Variants in SAMD5 observed in about 807,000 individuals in gnomAD.
SAMD5 encodes the protein sterile alpha motif domain containing 5, also known as sterile alpha motif domain-containing protein 5.
SAMD5 carries 13 observed loss-of-function variants against 11.3 expected under a neutral mutation model. The observed-to-expected ratio is 1.15, with a 90% CI of 0.75 to 1.83. SAMD5 has a LOEUF of 1.83. Ranked by LOEUF, SAMD5 falls within the 40% of genes most tolerant of loss-of-function variation. SAMD5 has a pLI of 0.00. For missense variants in SAMD5, 255 were observed against 239.1 expected (o/e 1.07, Z -0.44); for synonymous variants, 129 against 111.3 (o/e 1.16, Z -1.00).
At chr6:147,942,008 G>A in the SAMD5 span, among the ~76,000 whole-genome samples, 4 of 152,100 alleles carry the variant, frequency 2.6e-5, no homozygotes, top group African/African-American at 9.7e-5. Flanking sequence ...TGAATAGCTG[G>A]GATTACAGGC....
At chr6:147,517,036 A>C (rs1788181725) in intron 1 of SAMD5, among the ~76,000 whole-genome samples, 1 of 152,230 alleles carries the variant, frequency 6.6e-6, no homozygotes, top group Non-Finnish European at 1.5e-5. Flanking sequence ...GGACCCCTGC[A>C]GTTTTCACTG....
intron 1 of SAMD5, among the ~76,000 whole-genome samples, chr6:147,714,662 T>G (rs1359953701): frequency 6.6e-6 from 1 of 152,210 alleles, no homozygotes; most frequent in Non-Finnish European, 1.5e-5. Context: ...CACTGTTTAA[T>G]TAAGACAAAA....
At chr6:147,630,002 T>G (rs866185548) in intron 1 of SAMD5, among the ~76,000 whole-genome samples, 27 of 149,498 alleles carry the variant, frequency 1.8e-4, no homozygotes, top group South Asian at 6.4e-4. Context: ...CAGGCTGTGG[T>G]GCAATGGCAT....
chr6:147,631,058 G>A (rs555077584), intron 1 of SAMD5, among the ~76,000 whole-genome samples: 2 of 152,168 alleles, frequency 1.3e-5, no homozygotes, highest in South Asian at 2.1e-4. Context: ...GATAATGGGC[G>A]ATGTTTCTCA....
Position 147,564,778 on chromosome 6 carries a change from G to A in SAMD5, c.*322G>A. 9.8e-7 allele frequency: 1 copy of A among 1,021,538 alleles called. No homozygotes were observed. Among genetic ancestry groups the A allele is most frequent in the East Asian group, 9.4e-5 (1 of 10,662 alleles). 63.3% of individuals were successfully genotyped at this position (1,021,538 alleles called of 1,614,324 possible). On this transcript the variant is annotated 3_prime_UTR_variant, in exon 2 of 2. Coordinates refer to ENST00000367474, the MANE Select transcript of SAMD5 (RefSeq NM_001030060.3). ...TTCTTAATGAAAACAGATGAGGTTG[G>A]CTAAGGCATTTGAGTCATAACTTAG... is the stretch of plus-strand genomic sequence containing the variant.
At chr6:147,588,020 C>G (rs547056542) in intron 1 of SAMD5, among the ~76,000 whole-genome samples, 1 of 152,116 alleles carries the variant, frequency 6.6e-6, no homozygotes. Context: ...GCTCTCTATA[C>G]ATAGATTTCT....
chr6:147,851,384 A>G, the SAMD5 span, among the ~76,000 whole-genome samples: 1 of 152,216 alleles, frequency 6.6e-6, no homozygotes, highest in African/African-American at 2.4e-5. Context: ...TCAGGCATCC[A>G]CTGGCAGTCT....
the SAMD5 span, among the ~76,000 whole-genome samples, chr6:147,807,115 G>T: frequency 6.6e-6 from 1 of 151,752 alleles, no homozygotes; most frequent in Non-Finnish European, 1.5e-5. Flanking sequence ...TGTTTTTTGA[G>T]ATGGAAAGGA....
the SAMD5 span, among the ~76,000 whole-genome samples, chr6:147,892,559 T>G: frequency 1.3e-5 from 2 of 152,252 alleles, no homozygotes; most frequent in Admixed American, 6.5e-5. Context: ...TCTGCTGCCC[T>G]GTAGGTCCTG....
chr6:147,702,843 C>T (rs1583146030), intron 1 of SAMD5, among the ~76,000 whole-genome samples: 1 of 151,380 alleles, frequency 6.6e-6, no homozygotes, highest in African/African-American at 2.4e-5. Flanking sequence ...GTGTGTCTGT[C>T]TGTCTGCCTG....
At chr6:147,530,667 A>T (rs1185282250) in intron 1 of SAMD5, among the ~76,000 whole-genome samples, 3 of 152,224 alleles carry the variant, frequency 2.0e-5, no homozygotes, top group African/African-American at 7.2e-5. Context: ...AACCTTGCAG[A>T]CAGGGGAATT....
Position 147,568,435 on chromosome 6 carries a change from TC to T in SAMD5, c.*3980del, listed in dbSNP as rs1789079227. The T allele has an allele frequency of 5.1e-6, 5 of 985,182 alleles. No individual in the cohort carries two copies. Among genetic ancestry groups the T allele is most frequent in the Non-Finnish European group, 6.0e-6 (5 of 829,830 alleles). The allele number at this position is 985,182 out of a possible 1,614,324, so 61.0% of individuals were successfully genotyped here. A position where few individuals can be genotyped will look rare whatever the true frequency, so the allele number is the denominator to read the frequency against. On this transcript the variant is annotated 3_prime_UTR_variant, in exon 2 of 2. Transcript: ENST00000367474. ...CTTACAAGTAATATTTGATTAGGTA[TC>T]AAAATAGGTTTAGGCAGGTGGAAGT... is the stretch of plus-strand genomic sequence containing the variant.
At chr6:147,841,486 TGA>T in the SAMD5 span, among the ~76,000 whole-genome samples, 1 of 152,218 alleles carries the variant, frequency 6.6e-6, no homozygotes, top group African/African-American at 2.4e-5. Context: ...TTTAATAGAA[TGA>T]GAGCTCAGTT....
At chr6:147,515,656 G>T (rs1037616825) in intron 1 of SAMD5, among the ~76,000 whole-genome samples, 2 of 151,646 alleles carry the variant, frequency 1.3e-5, no homozygotes, top group Non-Finnish European at 2.9e-5. Context: ...CTAAGCACAT[G>T]CCCATGTGCT....
chr6:147,879,814 A>AC, the SAMD5 span, among the ~76,000 whole-genome samples: 1 of 152,308 alleles, frequency 6.6e-6, no homozygotes, highest in Admixed American at 6.5e-5. Context: ...CGCTGATGGA[A>AC]CGTTGTATGT....
In SAMD5 at chr6:147,702,201, CTG is replaced by C. The variant is rs542530836; in HGVS notation, c.163-35114_163-35113del. ...CATTAGATCTTGTGAGACTTATTCA[CTG>C]TCATAAGAACAGCATGGGAAAGACC... On this transcript the variant is annotated intron_variant, in intron 1 of 1. Transcript: ENST00000566741. 3.5e-4 allele frequency among the ~76,000 whole-genome samples: 53 copies of C among 152,296 alleles called. 1 individual carries two copies. The highest frequency in any genetic ancestry group is 1.2e-3 in the African/African-American group (48 of 41,570).
At chr6:147,746,167 A>G in the SAMD5 span, among the ~76,000 whole-genome samples, 1 of 152,208 alleles carries the variant, frequency 6.6e-6, no homozygotes, top group Non-Finnish European at 1.5e-5. Flanking sequence ...GATCAGACGA[A>G]GAAGCTCACT....
intron 1 of SAMD5, among the ~76,000 whole-genome samples, chr6:147,690,692 A>G (rs373243066): frequency 1.3e-5 from 2 of 152,176 alleles, no homozygotes; most frequent in African/African-American, 4.8e-5. Context: ...ACAACAAAGT[A>G]TGGTGGAAAT....
At chr6:147,716,165 G>C (rs372843245) in intron 1 of SAMD5, among the ~76,000 whole-genome samples, 6 of 152,192 alleles carry the variant, frequency 3.9e-5, no homozygotes, top group African/African-American at 1.4e-4. Flanking sequence ...AGGCCAGCAT[G>C]GGTTGCCCTT....
Sources: allele counts gnomAD v4.1 joint callset (sites outside exome capture counted in the v4.1 genomes callset), GRCh38; gene constraint gnomAD v4.1.1; transcripts MANE v1.5; gene names NCBI Gene and HGNC (gene_info 2026-07-23, HGNC 2026-07-21).